The following CA10 variants were observed in gnomAD, a reference collection of about 807,000 sequenced individuals.
CA10 encodes carbonic anhydrase-related protein 10.
A neutral mutation model predicts 44.2 loss-of-function variants in CA10; 14 were observed. The observed-to-expected ratio is 0.32, with a 90% CI of 0.21 to 0.50. The LOEUF is 0.50. Ranked by LOEUF, CA10 falls within the 20% of genes least tolerant of loss-of-function variation. The probability of loss-of-function intolerance (pLI) is 0.99; values close to 1 mark genes in which losing one functional copy is unlikely to be tolerated. For synonymous variants in CA10, 159 were observed against 141.6 expected (o/e 1.12, Z -0.87); for missense variants, 350 against 409.7 (o/e 0.85, Z 1.26).
chr17:52,142,833 TA>T (rs1385938365), intron 1 of CA10, among the ~76,000 whole-genome samples: 1 of 152,220 alleles, frequency 6.6e-6, no homozygotes. Context: ...CTGAGATCCA[TA>T]AGAAGTTAAC....
At position 52,157,704 on chromosome 17, in the gene CA10, G is replaced by T. The variant is rs201312360; in HGVS notation, c.61+22C>A. On this transcript the variant is annotated intron_variant, in intron 1 of 8. Coordinates refer to ENST00000451037, the MANE Select transcript of CA10 (RefSeq NM_020178.5). Reference sequence around the variant, plus strand: ...ATCACAACATAATCCAAATCAGCCAGTGACTTCGGCGCGTCCCGTACCTGA... The same window carrying T: ...ATCACAACATAATCCAAATCAGCCATTGACTTCGGCGCGTCCCGTACCTGA... The T allele has an allele frequency of 7.3e-5, 117 of 1,611,138 alleles. No individual in the cohort carries two copies. In the African/African-American group the frequency reaches 1.4e-3, roughly 20 times the overall value.
intron 3 of CA10, among the ~76,000 whole-genome samples, chr17:51,796,023 G>A (rs1378538103): frequency 1.3e-5 from 2 of 152,210 alleles, no homozygotes; most frequent in African/African-American, 4.8e-5. Flanking sequence ...AGTCTGGAAT[G>A]AGACAGAGGT....
intron 4 of CA10, among the ~76,000 whole-genome samples, chr17:51,742,994 G>C (rs954965331): frequency 5.9e-5 from 9 of 152,170 alleles, no homozygotes; most frequent in Non-Finnish European, 8.8e-5. Context: ...TCCCTCAATA[G>C]ACTTTACACA....
intron 1 of CA10, among the ~76,000 whole-genome samples, chr17:52,075,634 T>C (rs1987798755): frequency 6.6e-6 from 1 of 152,202 alleles, no homozygotes; most frequent in South Asian, 2.1e-4. Context: ...ATAGCATCTC[T>C]GTCCCCCTTT....
At chr17:51,827,939 A>G (rs1445975262) in intron 3 of CA10, among the ~76,000 whole-genome samples, 1 of 152,144 alleles carries the variant, frequency 6.6e-6, no homozygotes, top group Non-Finnish European at 1.5e-5. Flanking sequence ...CTCTTCTCTC[A>G]TATGCTGGCA....
At chr17:51,678,379 A>T in intron 4 of CA10, among the ~76,000 whole-genome samples, 1 of 152,142 alleles carries the variant, frequency 6.6e-6, no homozygotes, top group South Asian at 2.1e-4. Flanking sequence ...TTAATTAAAA[A>T]TATATATGTA....
chr17:51,852,877 T>C (rs1340525148), intron 3 of CA10, among the ~76,000 whole-genome samples: 1 of 152,242 alleles, frequency 6.6e-6, no homozygotes, highest in Non-Finnish European at 1.5e-5. Context: ...TTAAATTTAC[T>C]ACTCCTACAT....
Position 51,653,786 on chromosome 17 carries a change from G to T in CA10, c.466-50C>A, listed in dbSNP as rs371904327. 3.6e-6 allele frequency: 4 copies of T among 1,098,370 alleles called. No individual in the cohort carries two copies. In the African/African-American group the frequency reaches 4.6e-5, roughly 13 times the overall value. 68.0% of individuals were successfully genotyped at this position (1,098,370 alleles called of 1,614,324 possible). A position where few individuals can be genotyped will look rare whatever the true frequency, so the allele number is the denominator to read the frequency against. ...CAGAACAATAATCCAACATTAAAAG[G>T]TATGAGGCATAGCACCTGCCCCTAC... On this transcript the variant is annotated intron_variant, in intron 4 of 8. Transcript: ENST00000451037.
intron 3 of CA10, among the ~76,000 whole-genome samples, chr17:51,841,536 T>C (rs989310374): frequency 7.2e-5 from 11 of 152,112 alleles, no homozygotes; most frequent in African/African-American, 2.7e-4. Flanking sequence ...CTCCAATAAA[T>C]AGGATAAATA....
intron 1 of CA10, among the ~76,000 whole-genome samples, chr17:52,119,121 T>C (rs1567739262): frequency 6.7e-6 from 1 of 150,084 alleles, no homozygotes; most frequent in Non-Finnish European, 1.5e-5. Flanking sequence ...CAGCTATTTA[T>C]GGCCTTTAAT....
chr17:51,764,769 C>T (rs1905309695), intron 3 of CA10, among the ~76,000 whole-genome samples: 1 of 152,230 alleles, frequency 6.6e-6, no homozygotes, highest in East Asian at 1.9e-4. Context: ...TTTCAAGTGG[C>T]TGCCTCAGCA....
intron 3 of CA10, among the ~76,000 whole-genome samples, chr17:51,797,697 T>C (rs981837924): frequency 6.6e-6 from 1 of 151,544 alleles, no homozygotes; most frequent in African/African-American, 2.4e-5. Flanking sequence ...CTATTAAAAA[T>C]ACAAAAATTA....
At chr17:51,867,035 G>C (rs915270363) in intron 3 of CA10, among the ~76,000 whole-genome samples, 1 of 151,922 alleles carries the variant, frequency 6.6e-6, no homozygotes. Flanking sequence ...ATTTCTGTTT[G>C]ATTGGCAATG....
chr17:52,102,075 G>T (rs1567733811), intron 1 of CA10, among the ~76,000 whole-genome samples: 1 of 152,108 alleles, frequency 6.6e-6, no homozygotes, highest in Non-Finnish European at 1.5e-5. Context: ...TAGCCACCCT[G>T]ACACCAGCAG....
chr17:51,840,804 A>C (rs1978313228), intron 3 of CA10, among the ~76,000 whole-genome samples: 1 of 151,074 alleles, frequency 6.6e-6, no homozygotes, highest in South Asian at 2.1e-4. Flanking sequence ...AACCACAGTG[A>C]AAAAAAGTGT....
rs376661919 is a variant in CA10, at chr17:51,631,624, G to GAA, written c.965-20_965-19dup. The stretch of plus-strand genomic sequence containing the variant: ...TTCATTTACTGCAAAGAGAGAGAAA[G>GAA]AAAAAAAAAATCACACATACAACAT... On this transcript the variant is annotated intron_variant, in intron 8 of 8. Transcript: ENST00000451037. 49 of 1,527,690 alleles carry GAA rather than the reference G, an allele frequency of 3.2e-5. No individual in the cohort carries two copies. The highest frequency in any genetic ancestry group is 8.5e-5 in the African/African-American group (6 of 70,392). The allele number at this position is 1,527,690 out of a possible 1,614,324, so 94.6% of individuals were successfully genotyped here.
At chr17:51,732,434 G>A (rs1408809499) in intron 4 of CA10, among the ~76,000 whole-genome samples, 2 of 152,150 alleles carry the variant, frequency 1.3e-5, no homozygotes, top group Non-Finnish European at 2.9e-5. Context: ...TCAAGATCCG[G>A]CTTATGTCAG....
At chr17:52,074,509 A>G (rs1311163909) in intron 1 of CA10, among the ~76,000 whole-genome samples, 2 of 152,192 alleles carry the variant, frequency 1.3e-5, no homozygotes, top group Non-Finnish European at 2.9e-5. Flanking sequence ...AATTTAAACC[A>G]TAAATCCAGC....
At chr17:52,107,537 C>T (rs1988686959) in intron 1 of CA10, among the ~76,000 whole-genome samples, 1 of 151,994 alleles carries the variant, frequency 6.6e-6, no homozygotes, top group Admixed American at 6.5e-5. Context: ...TAAACTGTAA[C>T]ATTTTTATTA....
Sources: allele counts gnomAD v4.1 joint callset (sites outside exome capture counted in the v4.1 genomes callset), GRCh38; gene constraint gnomAD v4.1.1; transcripts MANE v1.5; gene names NCBI Gene and HGNC (gene_info 2026-07-23, HGNC 2026-07-21).